The following DIAPH3 variants were observed in gnomAD, a reference collection of about 807,000 sequenced individuals.
The protein encoded by DIAPH3 is protein diaphanous homolog 3.
A neutral mutation model predicts 144.3 loss-of-function variants in DIAPH3; 117 were observed. The ratio of observed to expected loss-of-function variants is 0.81; its 90% confidence interval spans 0.70 to 0.95. The LOEUF (loss-of-function observed/expected upper bound fraction) is 0.95, where lower values mean the gene tolerates loss of function less well. Ranked by LOEUF, DIAPH3 falls within the 40% of genes least tolerant of loss-of-function variation. DIAPH3 has a pLI of 0.00. For missense variants in DIAPH3, 1,421 were observed against 1,412.7 expected (o/e 1.01, Z -0.09); for synonymous variants, 519 against 488.9 (o/e 1.06, Z -0.81).
intron 5 of DIAPH3, among the ~76,000 whole-genome samples, chr13:60,038,146 G>A (rs1566694401): frequency 6.6e-6 from 1 of 151,980 alleles, no homozygotes; most frequent in Admixed American, 6.6e-5. Context: ...ATGAATGAGG[G>A]TATAGGATTA....
chr13:60,055,468 GC>G (rs1231599810), intron 4 of DIAPH3, among the ~76,000 whole-genome samples: 1 of 151,868 alleles, frequency 6.6e-6, no homozygotes, highest in Non-Finnish European at 1.5e-5. Flanking sequence ...ACTTCTACCT[GC>G]TTACCATGAC....
intron 20 of DIAPH3, among the ~76,000 whole-genome samples, chr13:59,906,195 T>A (rs143429662): frequency 2.0e-5 from 3 of 152,136 alleles, no homozygotes; most frequent in Non-Finnish European, 4.4e-5. Flanking sequence ...GTGTCCTTCA[T>A]TAAGAGAATG....
chr13:59,861,476 A>G lies in DIAPH3; in HGVS notation c.2668T>C (p.Cys890Arg), dbSNP rs1566429192. 1 of 1,613,848 alleles carries G rather than the reference A, an allele frequency of 6.2e-7. No individual in the cohort carries two copies. Among genetic ancestry groups the G allele is most frequent in the Middle Eastern group, 1.7e-4 (1 of 6,058 alleles). ...TTLLHFLVEI[C>R]EEKYPDILNF... ...AGTATATCAGGGTACTTCTCTTCAC[A>G]TATTTCTACCAGGAAATGAAGTAGC... The change falls in exon 22 of 28, where the codon TGT becomes CGT. Residue 890 changes from cysteine (C) to arginine (R), a missense_variant. Coordinates refer to ENST00000400324, the MANE Select transcript of DIAPH3 (RefSeq NM_001042517.2).
At chr13:59,960,799 C>T (rs2049713109) in intron 17 of DIAPH3, among the ~76,000 whole-genome samples, 1 of 151,852 alleles carries the variant, frequency 6.6e-6, no homozygotes, top group South Asian at 2.1e-4. Context: ...GCTTTCAAAT[C>T]TCAAAATTAC....
At chr13:59,741,703 C>CAAAAAAA (rs756556231) in intron 27 of DIAPH3, among the ~76,000 whole-genome samples, 46 of 93,752 alleles carry the variant, frequency 4.9e-4, no homozygotes, top group South Asian at 9.6e-4. Flanking sequence ...GGCAACAAAG[C>CAAAAAAA]AAAAAAAAAA....
chr13:59,967,938 T>C (rs1198036150), intron 17 of DIAPH3, among the ~76,000 whole-genome samples: 1 of 152,130 alleles, frequency 6.6e-6, no homozygotes, highest in Admixed American at 6.5e-5. Context: ...TTGAGTTGAA[T>C]TGAGACAGAA....
At chr13:59,774,128 A>G in intron 27 of DIAPH3, 61 bp downstream of exon 27, 1 of 1,511,992 alleles carries the variant, frequency 6.6e-7, no homozygotes, top group East Asian at 2.3e-5. Context: ...TACTAAAATC[A>G]CAGATCAATA....
intron 4 of DIAPH3, among the ~76,000 whole-genome samples, chr13:60,066,750 T>C (rs1045471565): frequency 6.6e-6 from 1 of 152,256 alleles, no homozygotes; most frequent in Admixed American, 6.5e-5. Flanking sequence ...GCACATGCCA[T>C]ATGAATTTTA....
At chr13:59,889,158 G>A (rs2045634559) in intron 20 of DIAPH3, among the ~76,000 whole-genome samples, 1 of 151,904 alleles carries the variant, frequency 6.6e-6, no homozygotes, top group Non-Finnish European at 1.5e-5. Context: ...GTTTTTCACT[G>A]AATGAGACTT....
intron 3 of DIAPH3, among the ~76,000 whole-genome samples, chr13:60,105,531 T>C (rs995315398): frequency 6.6e-6 from 1 of 152,150 alleles, no homozygotes. Flanking sequence ...ACACAACCCA[T>C]GAATCAACTT....
At chr13:60,023,059 T>A (rs868078353) in intron 5 of DIAPH3, among the ~76,000 whole-genome samples, 25 of 151,924 alleles carry the variant, frequency 1.6e-4, no homozygotes, top group South Asian at 1.0e-3. Flanking sequence ...AGCCTCATTT[T>A]AAAAAAAAAT....
intron 4 of DIAPH3, among the ~76,000 whole-genome samples, chr13:60,078,718 TC>T (rs2057454058): frequency 6.6e-6 from 1 of 151,914 alleles, no homozygotes; most frequent in South Asian, 2.1e-4. Flanking sequence ...TATTTTCAAT[TC>T]ATATATATTT....
At chr13:59,977,089 T>A (rs2050719546) in intron 14 of DIAPH3, among the ~76,000 whole-genome samples, 1 of 151,744 alleles carries the variant, frequency 6.6e-6, no homozygotes, top group Non-Finnish European at 1.5e-5. Flanking sequence ...ACACCCGAGA[T>A]ATGCCCCCTC....
chr13:60,085,158 C>G (rs1353546359), intron 4 of DIAPH3, among the ~76,000 whole-genome samples: 1 of 152,092 alleles, frequency 6.6e-6, no homozygotes, highest in Non-Finnish European at 1.5e-5. Flanking sequence ...CAAAAGAAAG[C>G]AGGTTCTTCT....
chr13:59,779,304 T>C (rs1032714921), intron 25 of DIAPH3, among the ~76,000 whole-genome samples: 1 of 152,180 alleles, frequency 6.6e-6, no homozygotes, highest in Non-Finnish European at 1.5e-5. Flanking sequence ...ACATATGCAA[T>C]ACAGACAATA....
chr13:59,917,760 T>G (rs553266363), intron 18 of DIAPH3, among the ~76,000 whole-genome samples: 6 of 151,540 alleles, frequency 4.0e-5, no homozygotes, highest in Admixed American at 3.3e-4. Flanking sequence ...TATGGTGGCA[T>G]GTGCCTGTAG....
chr13:60,126,136 A>G (rs1236626049), intron 2 of DIAPH3, among the ~76,000 whole-genome samples: 1 of 152,212 alleles, frequency 6.6e-6, no homozygotes, highest in Non-Finnish European at 1.5e-5. Flanking sequence ...CAAGTAAAAC[A>G]CTACATACCG....
intron 4 of DIAPH3, among the ~76,000 whole-genome samples, chr13:60,070,127 C>T (rs1594577419): frequency 6.6e-6 from 1 of 152,068 alleles, no homozygotes; most frequent in East Asian, 1.9e-4. Context: ...GATATGTTTC[C>T]ATTTGTTTGT....
At chr13:59,971,331 G>A (rs1594173815) in intron 15 of DIAPH3, among the ~76,000 whole-genome samples, 171 bp from the exon 16 acceptor site, 1 of 152,010 alleles carries the variant, frequency 6.6e-6, no homozygotes, top group Non-Finnish European at 1.5e-5. Flanking sequence ...TCTAATTTAA[G>A]AATATAATTA....
Sources: allele counts gnomAD v4.1 joint callset (sites outside exome capture counted in the v4.1 genomes callset), GRCh38; gene constraint gnomAD v4.1.1; transcripts MANE v1.5; gene names NCBI Gene and HGNC (gene_info 2026-07-23, HGNC 2026-07-21).